PDE4D: variants seen among roughly 807,000 people sequenced by gnomAD.
PDE4D encodes 3',5'-cyclic-AMP phosphodiesterase 4D.
A neutral mutation model predicts 87.4 loss-of-function variants in PDE4D; 24 were observed. That is an observed-to-expected ratio of 0.27 (90% CI 0.20 to 0.39). The LOEUF (loss-of-function observed/expected upper bound fraction) is 0.39, where lower values mean the gene tolerates loss of function less well. PDE4D is among the 10% of genes least tolerant of loss of function. The pLI is 1.00. For synonymous variants in PDE4D, 384 were observed against 383.2 expected (o/e 1.00, Z -0.02); for missense variants, 714 against 1,041.0 (o/e 0.69, Z 4.32).
chr5:59,246,263 C>T (rs1372401374), intron 1 of PDE4D, among the ~76,000 whole-genome samples: 1 of 151,930 alleles, frequency 6.6e-6, no homozygotes, highest in Non-Finnish European at 1.5e-5. Flanking sequence ...GCAAACCTCT[C>T]TGAGGTTTCT....
chr5:60,044,550 T>C (rs932733684), intron 2 of PDE4D, among the ~76,000 whole-genome samples: 1 of 151,342 alleles, frequency 6.6e-6, no homozygotes, highest in East Asian at 2.0e-4. Context: ...GAGTGTGATA[T>C]TCCCCTTCCT....
intron 1 of PDE4D, among the ~76,000 whole-genome samples, chr5:59,890,353 CTTTAA>C (rs374502381): frequency 6.6e-5 from 10 of 151,742 alleles, no homozygotes; most frequent in African/African-American, 1.9e-4. Context: ...TTCTCACTAG[CTTTAA>C]TTTATCTGAA....
At chr5:59,620,033 G>A (rs115165336) in intron 1 of PDE4D, among the ~76,000 whole-genome samples, 391 of 152,262 alleles carry the variant, frequency 2.6e-3, no homozygotes, top group African/African-American at 9.2e-3. Context: ...GGCAGGTGAA[G>A]GAGCAAGTCA....
At chr5:59,066,008 G>C (rs544845102) in intron 5 of PDE4D, among the ~76,000 whole-genome samples, 12 of 152,210 alleles carry the variant, frequency 7.9e-5, no homozygotes, top group African/African-American at 2.4e-4. Flanking sequence ...CTTAAGCAAA[G>C]ATGTCCCAAT....
intron 1 of PDE4D, among the ~76,000 whole-genome samples, chr5:59,328,681 C>G (rs190675157): frequency 9.9e-5 from 15 of 152,076 alleles, no homozygotes; most frequent in African/African-American, 3.6e-4. Context: ...TCCTCAGGTA[C>G]TGAAATAATG....
chr5:59,864,134 T>C (rs555298868), intron 1 of PDE4D, among the ~76,000 whole-genome samples: 44 of 152,280 alleles, frequency 2.9e-4, no homozygotes, highest in African/African-American at 7.5e-4. Context: ...AGTGCAGTCA[T>C]GGGCATTAGT....
intron 1 of PDE4D, among the ~76,000 whole-genome samples, chr5:59,774,834 A>G (rs1763925098): frequency 6.6e-6 from 1 of 151,874 alleles, no homozygotes; most frequent in Admixed American, 6.6e-5. Flanking sequence ...AGCTGGGATT[A>G]CAGGCACCAA....
chr5:59,162,944 G>A (rs1781349189), intron 5 of PDE4D, among the ~76,000 whole-genome samples: 3 of 150,112 alleles, frequency 2.0e-5, no homozygotes, highest in Admixed American at 2.0e-4. Flanking sequence ...TTATCTAATT[G>A]ATTTTTTTTT....
intron 1 of PDE4D, among the ~76,000 whole-genome samples, chr5:59,540,955 A>T (rs11951879): frequency 1.3e-5 from 2 of 152,186 alleles, no homozygotes; most frequent in African/African-American, 4.8e-5. Context: ...ATTTATTTCA[A>T]TATTCATTTT....
At chr5:59,770,476 G>T (rs889450945) in intron 1 of PDE4D, among the ~76,000 whole-genome samples, 4 of 152,074 alleles carry the variant, frequency 2.6e-5, no homozygotes, top group Admixed American at 2.6e-4. Context: ...AGAAGGGAAG[G>T]TTCAGAAATT....
chr5:59,065,267 A>G lies in PDE4D; in HGVS notation c.809-26296T>C, dbSNP rs79146629. Among the ~76,000 whole-genome samples, 1,112 of 152,240 alleles carry G rather than the reference A, an allele frequency of 7.3e-3. 14 individuals carry two copies. The highest frequency in any genetic ancestry group is 0.026 in the African/African-American group (1,063 of 41,560). On this transcript the variant is annotated intron_variant, in intron 5 of 14. Coordinates refer to ENST00000340635, the MANE Select transcript of PDE4D (RefSeq NM_001104631.2). ...ATACTGCATGATCTCACTTACATGT[A>G]TAATCCAAAATAGTCAAACTGATGG...
chr5:59,441,257 C>A (rs1240672827), intron 1 of PDE4D, among the ~76,000 whole-genome samples: 1 of 152,058 alleles, frequency 6.6e-6, no homozygotes, highest in African/African-American at 2.4e-5. Flanking sequence ...ACTGCACAAG[C>A]TAATTTTTTA....
chr5:59,522,719 A>T (rs776276346), intron 1 of PDE4D, among the ~76,000 whole-genome samples: 19 of 152,064 alleles, frequency 1.2e-4, no homozygotes, highest in Non-Finnish European at 4.4e-5. Context: ...ACAGAATGTG[A>T]CTCTGAAATG....
intron 6 of PDE4D, among the ~76,000 whole-genome samples, chr5:59,032,000 G>A (rs1757637160): frequency 7.8e-6 from 1 of 127,556 alleles, no homozygotes; most frequent in African/African-American, 2.6e-5. Flanking sequence ...TAGATTGGAG[G>A]AATAAGTTTT....
At chr5:59,336,312 C>T (rs997038883) in intron 1 of PDE4D, among the ~76,000 whole-genome samples, 6 of 152,166 alleles carry the variant, frequency 3.9e-5, no homozygotes, top group Non-Finnish European at 7.3e-5. Flanking sequence ...GGGAAACTTT[C>T]GTAGAAAAAA....
At chr5:60,434,281 A>G (rs557537489) in intron 1 of PDE4D, among the ~76,000 whole-genome samples, 12 of 152,288 alleles carry the variant, frequency 7.9e-5, no homozygotes, top group African/African-American at 2.4e-4. Context: ...AAGATTCGGC[A>G]CTGTAAGAAA....
At chr5:59,008,795 T>C (rs1234655742) in intron 6 of PDE4D, among the ~76,000 whole-genome samples, 1 of 151,920 alleles carries the variant, frequency 6.6e-6, no homozygotes, top group African/African-American at 2.4e-5. Context: ...AGCCACAGAC[T>C]TGAGAAGGGA....
chr5:60,490,522 G>T, upstream of PDE4D: 1 of 152,170 alleles, frequency 6.6e-6, no homozygotes, highest in Non-Finnish European at 1.5e-5. Context: ...AATGCACCAC[G>T]TCAGTCTGCT....
intron 1 of PDE4D, among the ~76,000 whole-genome samples, chr5:60,347,678 C>G (rs1398698041): frequency 6.6e-6 from 1 of 152,072 alleles, no homozygotes. Flanking sequence ...TGAGAAAGCA[C>G]AAGTCTAGAC....
Sources: allele counts gnomAD v4.1 joint callset (sites outside exome capture counted in the v4.1 genomes callset), GRCh38; gene constraint gnomAD v4.1.1; transcripts MANE v1.5; gene names NCBI Gene and HGNC (gene_info 2026-07-23, HGNC 2026-07-21).